TRIP12: variants seen among roughly 807,000 people sequenced by gnomAD.
The protein encoded by TRIP12 is E3 ubiquitin-protein ligase TRIP12.
Under a neutral mutation model 244.2 loss-of-function variants are expected in TRIP12, and 25 were observed. That is an observed-to-expected ratio of 0.10 (90% CI 0.07 to 0.14). The LOEUF (loss-of-function observed/expected upper bound fraction) is 0.14. TRIP12 is among the 10% of genes least tolerant of loss of function. The pLI is 1.00. For missense variants in TRIP12, 1,677 were observed against 2,486.4 expected (o/e 0.67, Z 6.92); for synonymous variants, 905 against 873.1 (o/e 1.04, Z -0.64).
chr2:229,768,100 T>C (rs1371566613), intron 41 of TRIP12, among the ~76,000 whole-genome samples: 2 of 152,000 alleles, frequency 1.3e-5, no homozygotes, highest in Non-Finnish European at 2.9e-5. Context: ...TCTACAAAAA[T>C]ACAAAAATTA....
chr2:229,789,603 T>G lies in TRIP12; in HGVS notation c.4695+8A>C. On this transcript the variant is annotated splice_region_variant and intron_variant, in intron 31 of 41. Coordinates refer to ENST00000675903, the MANE Select transcript of TRIP12 (RefSeq NM_001348323.3). The stretch of plus-strand genomic sequence containing the variant: ...ATGAAAACTTCATAAATAGGCAACA[T>G]TACTCACATCATACAAGTAATACCA... The G allele has an allele frequency of 6.2e-7, 1 of 1,611,882 alleles. No homozygotes were observed. Among genetic ancestry groups the G allele is most frequent in the Non-Finnish European group, 8.5e-7 (1 of 1,178,908 alleles).
At chr2:229,811,736 G>A (rs2047300694) in intron 13 of TRIP12, among the ~76,000 whole-genome samples, 1 of 152,168 alleles carries the variant, frequency 6.6e-6, no homozygotes, top group South Asian at 2.1e-4. Context: ...AAACAGAGTG[G>A]CATCACTGAC....
At chr2:229,786,861 A>G (rs1156463748) in intron 33 of TRIP12, among the ~76,000 whole-genome samples, 2 of 152,186 alleles carry the variant, frequency 1.3e-5, no homozygotes, top group African/African-American at 4.8e-5. Flanking sequence ...GGCTTTAGGA[A>G]AAGAAACTTA....
intron 8 of TRIP12, among the ~76,000 whole-genome samples, chr2:229,825,073 AT>A (rs1391960950): frequency 6.6e-6 from 1 of 152,238 alleles, no homozygotes; most frequent in African/African-American, 2.4e-5. Flanking sequence ...AAAGTAAAAA[AT>A]ATCCCAGGAA....
chr2:229,845,626 A>G (rs189396008), intron 4 of TRIP12, among the ~76,000 whole-genome samples: 31 of 152,364 alleles, frequency 2.0e-4, no homozygotes, highest in African/African-American at 7.5e-4. Context: ...ATATTTTAAA[A>G]GAATACAGTA....
chr2:229,819,448 G>C (rs959554775), intron 8 of TRIP12, among the ~76,000 whole-genome samples: 1 of 152,174 alleles, frequency 6.6e-6, no homozygotes, highest in South Asian at 2.1e-4. Context: ...AGGAGGCTGA[G>C]GCAGGAGAAC....
Position 229,829,404 on chromosome 2 carries a change from G to C in TRIP12, c.1355-116C>G, listed in dbSNP as rs138678299. The C allele has an allele frequency of 9.4e-4, 729 of 777,352 alleles. 1 individual carries two copies. Among genetic ancestry groups the C allele is most frequent in the Non-Finnish European group, 1.3e-3 (672 of 504,148 alleles). The allele number at this position is 777,352 out of a possible 1,614,324, so 48.2% of individuals were successfully genotyped here. On this transcript the variant is annotated intron_variant, in intron 7 of 41. Transcript: ENST00000675903. The stretch of plus-strand genomic sequence containing the variant: ...TAACTGATTCAGTCAATGTTACTTT[G>C]CTTTCTGGACTTTTAAGAGAAGCTA...
chr2:229,814,576 T>C (rs184280120), intron 11 of TRIP12: 74 of 340,814 alleles, frequency 2.2e-4, no homozygotes, highest in African/African-American at 1.3e-3. Context: ...ACATAACTTT[T>C]AAATCTTCAG....
intron 39 of TRIP12, among the ~76,000 whole-genome samples, chr2:229,769,739 T>C (rs1013553053): frequency 3.9e-5 from 6 of 152,066 alleles, no homozygotes; most frequent in Admixed American, 3.9e-4. Flanking sequence ...GGAGAGAACA[T>C]TGAGCTGGAG....
intron 4 of TRIP12, among the ~76,000 whole-genome samples, chr2:229,852,812 C>T (rs550344334): frequency 6.2e-4 from 94 of 152,300 alleles, no homozygotes; most frequent in Middle Eastern, 3.4e-3. Context: ...GACTAAGCAG[C>T]ACAATAACAA....
chr2:229,861,951 A>T (rs2060545537), intron 2 of TRIP12, among the ~76,000 whole-genome samples: 1 of 152,196 alleles, frequency 6.6e-6, no homozygotes, highest in African/African-American at 2.4e-5. Flanking sequence ...ACTTTTAGTA[A>T]TGAAAGGACA....
At chr2:229,913,742 T>C (rs1221859146) in intron 1 of TRIP12, among the ~76,000 whole-genome samples, 9 of 152,200 alleles carry the variant, frequency 5.9e-5, no homozygotes, top group Admixed American at 5.2e-4. Flanking sequence ...ACACCTACCA[T>C]GTACAATGCA....
intron 8 of TRIP12, among the ~76,000 whole-genome samples, chr2:229,822,034 G>A (rs1037102769): frequency 6.6e-6 from 1 of 152,192 alleles, no homozygotes; most frequent in South Asian, 2.1e-4. Flanking sequence ...CAGATACGTG[G>A]GAGGCTGAAG....
intron 4 of TRIP12, among the ~76,000 whole-genome samples, chr2:229,858,275 A>T (rs2059944382): frequency 6.6e-6 from 1 of 152,180 alleles, no homozygotes; most frequent in Non-Finnish European, 1.5e-5. Context: ...AGGCAAGAGG[A>T]TTGCTTAAGC....
chr2:229,885,550 G>C (rs1301865022), intron 1 of TRIP12, among the ~76,000 whole-genome samples: 1 of 152,136 alleles, frequency 6.6e-6, no homozygotes, highest in Admixed American at 6.5e-5. Flanking sequence ...AGAAGGAAAT[G>C]ACTAGGTCCC....
chr2:229,849,956 C>A (rs1193711954), intron 4 of TRIP12, among the ~76,000 whole-genome samples: 1 of 148,018 alleles, frequency 6.8e-6, no homozygotes, highest in African/African-American at 2.5e-5. Flanking sequence ...AAAGAGGTAG[C>A]CCTTGGTGAA....
At chr2:229,862,745 A>T (rs2060674472) in intron 2 of TRIP12, among the ~76,000 whole-genome samples, 1 of 152,150 alleles carries the variant, frequency 6.6e-6, no homozygotes, top group Non-Finnish European at 1.5e-5. Flanking sequence ...AACTCAAATA[A>T]ATTGTTCTGT....
rs372014649 is a variant in TRIP12 at position 229,805,462 on chromosome 2, A to C, written c.2650+268T>G. Among the ~76,000 whole-genome samples the C allele has an allele frequency of 1.9e-4, 29 of 152,334 alleles. No homozygotes were observed. The East Asian group carries it at 4.6e-3, about 24-fold the overall frequency. On this transcript the variant is annotated intron_variant, in intron 18 of 41. Transcript: ENST00000675903. ...TCAATGGATCTAAAGGTATAATAGTAATGACAGGATCAGATAAAAATCTGT... is the reference window on the plus strand; with the variant it reads ...TCAATGGATCTAAAGGTATAATAGTCATGACAGGATCAGATAAAAATCTGT...
intron 13 of TRIP12, among the ~76,000 whole-genome samples, chr2:229,813,547 G>A (rs1037610267): frequency 1.3e-5 from 2 of 152,192 alleles, no homozygotes; most frequent in African/African-American, 4.8e-5. Context: ...ACTATGGGGG[G>A]CTGAGGTGGG....
Sources: gnomAD v4.1 joint callset for allele counts (sites outside exome capture counted in the v4.1 genomes callset) on GRCh38, gnomAD v4.1.1 for gene constraint, MANE v1.5 for transcripts, NCBI Gene and HGNC (gene_info 2026-07-23, HGNC 2026-07-21) for gene names.